Variants in ABCC4 observed in about 807,000 individuals in gnomAD.
ABCC4 encodes ATP-binding cassette sub-family C member 4.
ABCC4 carries 102 observed loss-of-function variants against 168.5 expected under a neutral mutation model. The observed-to-expected ratio is 0.61, with a 90% confidence interval of 0.52 to 0.71. ABCC4 has a LOEUF of 0.71. ABCC4 is among the 30% of genes least tolerant of loss of function. ABCC4 has a pLI of 0.00. For synonymous variants in ABCC4, 617 were observed against 590.7 expected (o/e 1.04, Z -0.65); for missense variants, 1,402 against 1,605.8 (o/e 0.87, Z 2.17).
At chr13:95,027,727 AC>A (rs1479064177) in intron 30 of ABCC4, among the ~76,000 whole-genome samples, 3 of 152,218 alleles carry the variant, frequency 2.0e-5, no homozygotes, top group Admixed American at 1.3e-4. Context: ...AACAAAAGGA[AC>A]ACATGCAAAA....
rs1456692654 is a variant in ABCC4 at position 95,073,248 on chromosome 13, T to A, written c.2974A>T (p.Met992Leu). The A allele has an allele frequency of 2.5e-6, 4 of 1,613,730 alleles. No individual in the cohort carries two copies. The highest frequency in any genetic ancestry group is 2.2e-5 in the South Asian group (2 of 91,040). ...ALSYALTLMGMFQWCVRQSAE... is the reference protein window; with the variant it reads ...ALSYALTLMGLFQWCVRQSAE... ...CTTTGTCGAACACACCACTGAAACA[T>A]CCCCATGAGCGTGAGGGCATAGGAC... The change falls in exon 24 of 31, where the codon ATG becomes TTG. Residue 992 changes from methionine to leucine, a missense_variant. By Grantham distance (15) the Met-to-Leu change is conservative. This residue lies in a region of ABCC4 where 1,007 missense variants were observed against 1,127.3 expected (regional missense o/e 0.89). Transcript: ENST00000645237.
At position 95,218,995 on chromosome 13, in the gene ABCC4, G is replaced by GAAGA. The variant is rs1566540068; in HGVS notation, c.532-8215_532-8214insTCTT. Reference sequence around the variant, plus strand: ...AAAGAAAGAAAGAAAGAGTGAGAAAGAAAGAAAGAGTGAGAAAGAAAGGAA... The same window carrying GAAGA: ...AAAGAAAGAAAGAAAGAGTGAGAAAGAAGAAAAGAAAGAGTGAGAAAGAAAGGAA... On this transcript the variant is annotated intron_variant, in intron 4 of 30. Transcript: ENST00000645237. Among the ~76,000 whole-genome samples the GAAGA allele has an allele frequency of 1.9e-3, 96 of 49,772 alleles. 2 individuals carry two copies. The highest frequency in any genetic ancestry group is 2.6e-3 in the African/African-American group (34 of 12,952). 32.7% of individuals were successfully genotyped at this position (49,772 alleles called of 152,430 possible).
chr13:95,040,469 C>T lies in ABCC4; in HGVS notation c.3735+3213G>A, dbSNP rs1241508074. 2.6e-5 allele frequency among the ~76,000 whole-genome samples: 4 copies of T among 152,140 alleles called. No homozygotes were observed. The East Asian group carries it at 7.7e-4, about 29-fold the overall frequency. ...GGCTGGTCTCAAACTTCTGACCTCT[C>T]AGGTGATCTGCCCTTCTCGGCCTCC... On this transcript the variant is annotated intron_variant, in intron 29 of 30. Transcript: ENST00000645237.
chr13:95,296,163 CACACACACACACACACACACAA>C (rs1400816944), intron 1 of ABCC4, among the ~76,000 whole-genome samples: 20 of 83,272 alleles, frequency 2.4e-4, no homozygotes, highest in East Asian at 4.5e-4. Context: ...CACACACACA[CACACACACACACACACACACAA>C]AAACACAAAA....
At chr13:95,286,441 T>C (rs1013111492) in intron 1 of ABCC4, among the ~76,000 whole-genome samples, 5 of 152,094 alleles carry the variant, frequency 3.3e-5, no homozygotes, top group Non-Finnish European at 7.3e-5. Flanking sequence ...CTTAAAGATG[T>C]AATAATAACG....
intron 1 of ABCC4, among the ~76,000 whole-genome samples, chr13:95,248,486 T>C (rs1027576667): frequency 4.0e-5 from 6 of 150,108 alleles, no homozygotes; most frequent in Non-Finnish European, 1.5e-5. Context: ...CTTATTCAAA[T>C]ATTTTGAGAT....
chr13:95,058,567 C>CAAAAAAAAAAAAAAAA (rs1165324016), intron 26 of ABCC4, among the ~76,000 whole-genome samples: 9 of 62,786 alleles, frequency 1.4e-4, no homozygotes, highest in Non-Finnish European at 1.8e-4. Flanking sequence ...GACTCCATCT[C>CAAAAAAAAAAAAAAAA]AAAAAAAAAA....
intron 27 of ABCC4, among the ~76,000 whole-genome samples, chr13:95,052,020 G>A (rs554657013): frequency 8.0e-5 from 12 of 150,536 alleles, no homozygotes; most frequent in Admixed American, 4.0e-4. Flanking sequence ...TTGCTCTGTC[G>A]CCCAGATGGG....
intron 20 of ABCC4, among the ~76,000 whole-genome samples, chr13:95,084,422 A>G (rs2034193001): frequency 6.6e-6 from 1 of 152,218 alleles, no homozygotes; most frequent in African/African-American, 2.4e-5. Flanking sequence ...ACACACTTAC[A>G]TAAGAAATTA....
At chr13:95,103,730 GAC>G (rs1235489109) in intron 20 of ABCC4, among the ~76,000 whole-genome samples, 2 of 152,086 alleles carry the variant, frequency 1.3e-5, no homozygotes, top group Non-Finnish European at 2.9e-5. Context: ...CCATCTTTCT[GAC>G]AGTCTCCCAT....
At position 95,071,820 on chromosome 13, in the gene ABCC4, C is replaced by T. The variant is rs2033735116; in HGVS notation, c.3052G>A (p.Asp1018Asn). ...ISVERVIEYT[D>N]LEKEAPWEYQ... ...TCCCAAGGTGCTTCTTTTTCAAGGT[C>T]TGTGTATTCAATGACCCTTTCTACT... The change falls in exon 25 of 31, where the codon GAC (aspartate) becomes AAC (asparagine). Residue 1018 changes from aspartate (D) to asparagine (N), a missense_variant. This residue lies in a region of ABCC4 where 1,007 missense variants were observed against 1,127.3 expected (regional missense o/e 0.89). Transcript: ENST00000645237. The T allele has an allele frequency of 6.3e-7, 1 of 1,595,070 alleles. No individual in the cohort carries two copies. Among genetic ancestry groups the T allele is most frequent in the South Asian group, 1.2e-5 (1 of 86,624 alleles).
intron 1 of ABCC4, among the ~76,000 whole-genome samples, chr13:95,281,698 A>G (rs1251006740): frequency 1.3e-5 from 2 of 152,190 alleles, no homozygotes; most frequent in Non-Finnish European, 2.9e-5. Context: ...CAGAGGACAC[A>G]TTACTGCCCT....
chr13:95,064,698 C>A (rs1351639232), intron 25 of ABCC4, among the ~76,000 whole-genome samples: 1 of 152,022 alleles, frequency 6.6e-6, no homozygotes, highest in Non-Finnish European at 1.5e-5. Flanking sequence ...CCAGGATGGA[C>A]CCCCTCAAAG....
intron 19 of ABCC4, among the ~76,000 whole-genome samples, chr13:95,127,049 C>G (rs2035806337): frequency 6.6e-6 from 1 of 151,774 alleles, no homozygotes; most frequent in Non-Finnish European, 1.5e-5. Flanking sequence ...CACATTACCT[C>G]TTAGTCAAAC....
At chr13:95,248,355 G>A (rs1004218159) in intron 1 of ABCC4, among the ~76,000 whole-genome samples, 4 of 152,116 alleles carry the variant, frequency 2.6e-5, no homozygotes, top group Non-Finnish European at 5.9e-5. Flanking sequence ...ATTTTCAATG[G>A]GAGCTAAAAC....
rs565784409 is a variant in ABCC4 at position 95,286,398 on chromosome 13, G to A, written c.74+14843C>T. ...GCCTCCCAAAGTGCTGAGATTACAG[G>A]CATGAGCCACAGTGCCCAGCCCAGG... On this transcript the variant is annotated intron_variant, in intron 1 of 30. Coordinates refer to ENST00000645237, the MANE Select transcript of ABCC4 (RefSeq NM_005845.5). Among the ~76,000 whole-genome samples the A allele has an allele frequency of 3.3e-3, 500 of 152,126 alleles. 6 individuals are homozygous for A. The highest frequency in any genetic ancestry group is 2.0e-3 in the Non-Finnish European group (136 of 68,012).
chr13:95,025,353 CCCCCACACACACCCACA>C (rs1460350198), intron 30 of ABCC4, among the ~76,000 whole-genome samples: 6 of 24,806 alleles, frequency 2.4e-4, no homozygotes, highest in Admixed American at 1.0e-3. Flanking sequence ...CACACCCACA[CCCCCACACACACCCACA>C]CCCCACACAC....
At chr13:95,137,376 T>C (rs2036175080) in intron 19 of ABCC4, among the ~76,000 whole-genome samples, 1 of 152,214 alleles carries the variant, frequency 6.6e-6, no homozygotes, top group African/African-American at 2.4e-5. Context: ...TTAGTCACAG[T>C]GGCATTAATT....
intron 4 of ABCC4, among the ~76,000 whole-genome samples, chr13:95,221,610 CAGTAA>C (rs2039312881): frequency 6.7e-6 from 1 of 149,598 alleles, no homozygotes; most frequent in Non-Finnish European, 1.5e-5. Context: ...GAAGGCCTGA[CAGTAA>C]ATAAGCACAA....
Sources: allele counts gnomAD v4.1 joint callset (sites outside exome capture counted in the v4.1 genomes callset), GRCh38; gene constraint gnomAD v4.1.1; regional missense constraint gnomAD v4.1.1; transcripts MANE v1.5; gene names NCBI Gene and HGNC (gene_info 2026-07-23, HGNC 2026-07-21).